Variants in ORC4 observed in about 807,000 individuals in gnomAD.
The protein encoded by ORC4 is origin recognition complex, subunit 4 homolog.
Under a neutral mutation model 63.9 loss-of-function variants are expected in ORC4, and 55 were observed. The observed-to-expected ratio is 0.86, with a 90% CI of 0.69 to 1.08. The LOEUF (loss-of-function observed/expected upper bound fraction) is 1.08, where lower values mean the gene tolerates loss of function less well. Among genes scored for constraint, ORC4 ranks in the 50% least tolerant of loss-of-function variants. The pLI is 0.00. For missense variants in ORC4, 511 were observed against 504.4 expected (o/e 1.01, Z -0.13); for synonymous variants, 150 against 168.5 (o/e 0.89, Z 0.85).
At chr2:147,959,599 CTGTT>C (rs1296592381) in intron 4 of ORC4, among the ~76,000 whole-genome samples, 1 of 152,064 alleles carries the variant, frequency 6.6e-6, no homozygotes, top group Non-Finnish European at 1.5e-5. Flanking sequence ...AAACAAAATA[CTGTT>C]TGTATTTGCA....
At chr2:147,994,631 T>C (rs1691820674) in intron 1 of ORC4, among the ~76,000 whole-genome samples, 1 of 152,112 alleles carries the variant, frequency 6.6e-6, no homozygotes, top group South Asian at 2.1e-4. Flanking sequence ...AAACTAGACA[T>C]ACACATGCCA....
At chr2:147,952,256 T>C in intron 8 of ORC4, 117 bp downstream of exon 8, 1 of 731,154 alleles carries the variant, frequency 1.4e-6, no homozygotes, top group Non-Finnish European at 2.3e-6. Context: ...CACCAGGCAC[T>C]GCTGAAACAA....
intron 9 of ORC4, 30 bp downstream of exon 9, chr2:147,948,021 A>C: frequency 3.8e-6 from 6 of 1,568,920 alleles, no homozygotes; most frequent in Non-Finnish European, 4.4e-6. Flanking sequence ...TATAGCAAGG[A>C]ACATTTAGCT....
At chr2:147,945,474 T>C (rs1021619623) in intron 9 of ORC4, among the ~76,000 whole-genome samples, 4 of 152,100 alleles carry the variant, frequency 2.6e-5, no homozygotes, top group Admixed American at 6.6e-5. Flanking sequence ...TCAAACACTA[T>C]ACTCTATTTG....
intron 1 of ORC4, among the ~76,000 whole-genome samples, chr2:148,013,826 T>C (rs1367350984): frequency 6.6e-6 from 1 of 152,226 alleles, no homozygotes; most frequent in East Asian, 1.9e-4. Flanking sequence ...GTTTTATTTA[T>C]GGTAGTGGCA....
chr2:148,013,387 G>A (rs1693089218), intron 1 of ORC4, among the ~76,000 whole-genome samples: 1 of 152,196 alleles, frequency 6.6e-6, no homozygotes, highest in African/African-American at 2.4e-5. Context: ...AAGTCATAGA[G>A]ATAGTGAGTA....
chr2:147,937,494 T>C (rs1688118388), intron 13 of ORC4, among the ~76,000 whole-genome samples: 1 of 152,334 alleles, frequency 6.6e-6, no homozygotes, highest in African/African-American at 2.4e-5. Flanking sequence ...TTAAATATAA[T>C]GTACACCAAA....
At chr2:147,985,273 T>G (rs928766774) in intron 1 of ORC4, among the ~76,000 whole-genome samples, 3 of 152,204 alleles carry the variant, frequency 2.0e-5, no homozygotes, top group Admixed American at 6.5e-5. Context: ...CTCGGCTCAC[T>G]GCAAGCTCCA....
At chr2:147,952,313 C>G in intron 8 of ORC4, 60 bp downstream of exon 8, 2 of 1,266,852 alleles carry the variant, frequency 1.6e-6, no homozygotes. Flanking sequence ...GCAGTGTCAG[C>G]AATTAAGCTT....
Position 147,939,182 on chromosome 2 carries a change from T to A in ORC4, c.916A>T (p.Ser306Cys). 6.2e-7 allele frequency: 1 copy of A among 1,613,022 alleles called. No homozygotes were observed. The highest frequency in any genetic ancestry group is 8.5e-7 in the Non-Finnish European group (1 of 1,179,114). Reference sequence around the variant, plus strand: ...TTCGAGTCCATGCTACACAGTTGGCTTGCTTCCATTAGATCTACGGCAGTC... The same window carrying A: ...TTCGAGTCCATGCTACACAGTTGGCATGCTTCCATTAGATCTACGGCAGTC... ...FMTAVDLMEASQLCSMDSKAN... is the reference protein window; with the variant it reads ...FMTAVDLMEACQLCSMDSKAN... The change falls in exon 11 of 14, where the codon AGC (serine) becomes TGC (cysteine). Residue 306 changes from serine (S) to cysteine (C), a missense_variant. Physicochemically the swap from Ser to Cys is moderately radical, Grantham distance 112 (BLOSUM62 -1). Transcript: ENST00000392857.
chr2:148,000,614 G>C (rs1692240926), intron 1 of ORC4, among the ~76,000 whole-genome samples: 1 of 152,046 alleles, frequency 6.6e-6, no homozygotes, highest in Non-Finnish European at 1.5e-5. Context: ...GGAAACAGAG[G>C]AACTAGCATA....
intron 4 of ORC4, chr2:147,960,215 T>C (rs978797557): frequency 5.1e-6 from 5 of 978,118 alleles, no homozygotes; most frequent in Non-Finnish European, 6.1e-6. Flanking sequence ...TGTAACAGAT[T>C]TATAGCTTTC....
At chr2:147,968,040 C>T (rs1689999626) in intron 4 of ORC4, among the ~76,000 whole-genome samples, 1 of 152,008 alleles carries the variant, frequency 6.6e-6, no homozygotes, top group Non-Finnish European at 1.5e-5. Flanking sequence ...AACACTCACT[C>T]ATCAGGGAAA....
chr2:147,979,278 C>T (rs1690730595), intron 1 of ORC4, among the ~76,000 whole-genome samples: 1 of 151,912 alleles, frequency 6.6e-6, no homozygotes, highest in African/African-American at 2.4e-5. Flanking sequence ...ACAAAATCAA[C>T]ATAAAAAAAT....
intron 10 of ORC4, among the ~76,000 whole-genome samples, chr2:147,940,979 T>A (rs1306000369): frequency 6.6e-6 from 1 of 152,170 alleles, no homozygotes; most frequent in Admixed American, 6.6e-5. Context: ...AGTATGTCTA[T>A]ACTATTAGGT....
chr2:148,003,602 A>G (rs1404339146), intron 1 of ORC4, among the ~76,000 whole-genome samples: 2 of 152,190 alleles, frequency 1.3e-5, no homozygotes, highest in Non-Finnish European at 2.9e-5. Flanking sequence ...GAATCGATAG[A>G]ACGTATCTCA....
intron 4 of ORC4, among the ~76,000 whole-genome samples, chr2:147,971,886 T>C (rs1170660856): frequency 6.6e-6 from 1 of 152,074 alleles, no homozygotes; most frequent in East Asian, 1.9e-4. Flanking sequence ...AAACAATACT[T>C]CAGATGTGAT....
intron 3 of ORC4, 68 bp downstream of exon 3, chr2:147,973,380 A>T (rs1238411060): frequency 7.6e-6 from 7 of 925,138 alleles, no homozygotes; most frequent in Non-Finnish European, 1.3e-5. Context: ...TTTGTACAAT[A>T]ATTTTTGCAA....
chr2:147,998,929 C>T (rs550371057), intron 1 of ORC4, among the ~76,000 whole-genome samples: 4 of 152,214 alleles, frequency 2.6e-5, no homozygotes, highest in Non-Finnish European at 4.4e-5. Context: ...GAGAATAAAA[C>T]AGAAATGAAA....
Sources: allele counts gnomAD v4.1 joint callset (sites outside exome capture counted in the v4.1 genomes callset), GRCh38; gene constraint gnomAD v4.1.1; transcripts MANE v1.5; gene names NCBI Gene and HGNC (gene_info 2026-07-23, HGNC 2026-07-21).